The following PRKAR1B variants were observed in gnomAD, a reference collection of about 807,000 sequenced individuals.
The protein encoded by PRKAR1B is protein kinase cAMP-dependent type I regulatory subunit beta, also known as cAMP-dependent protein kinase type I-beta regulatory subunit.
In PRKAR1B, 22 loss-of-function variants were observed where a neutral mutation model predicts 46.5. The observed-to-expected ratio is 0.47, with a 90% confidence interval of 0.34 to 0.68. The LOEUF (loss-of-function observed/expected upper bound fraction) is 0.68. Among genes scored for constraint, PRKAR1B ranks in the 30% least tolerant of loss-of-function variants. The probability of loss-of-function intolerance (pLI) is 0.01; values close to 1 mark genes in which losing one functional copy is unlikely to be tolerated. For synonymous variants in PRKAR1B, 259 were observed against 217.7 expected (o/e 1.19, Z -1.67); for missense variants, 445 against 535.6 (o/e 0.83, Z 1.67).
At chr7:589,055 A>G (rs1473933911) in intron 7 of PRKAR1B, among the ~76,000 whole-genome samples, 6 of 150,204 alleles carry the variant, frequency 4.0e-5, no homozygotes, top group African/African-American at 1.5e-4. Context: ...GATGGTGGCA[A>G]TGATGATGGT....
chr7:557,266 G>A lies in PRKAR1B; in HGVS notation c.892-5796C>T, dbSNP rs564724389. On this transcript the variant is annotated intron_variant, in intron 9 of 10. Transcript: ENST00000537384. ...TCCCTTCCTCACGTCTCAGCCGCGT[G>A]ACACCCGTGACCAGGCCCCTGGTGG... is the stretch of plus-strand genomic sequence containing the variant. Among the ~76,000 whole-genome samples the A allele has an allele frequency of 1.2e-4, 18 of 152,340 alleles. 1 individual carries two copies. In the South Asian group the frequency reaches 3.5e-3, roughly 30 times the overall value.
chr7:703,680 GA>G (rs1354371160), intron 2 of PRKAR1B, among the ~76,000 whole-genome samples: 4 of 150,870 alleles, frequency 2.7e-5, no homozygotes, highest in Non-Finnish European at 5.9e-5. Context: ...AAATCAGCAG[GA>G]ATGCAAAAGA....
intron 4 of PRKAR1B, among the ~76,000 whole-genome samples, chr7:671,651 A>G (rs1005259405): frequency 2.0e-5 from 3 of 151,928 alleles, no homozygotes; most frequent in Non-Finnish European, 2.9e-5. Context: ...GGGTCTCACT[A>G]TGTTGCCCAG....
At chr7:606,874 T>A (rs1782101227) in intron 5 of PRKAR1B, among the ~76,000 whole-genome samples, 2 of 149,428 alleles carry the variant, frequency 1.3e-5, no homozygotes, top group South Asian at 4.2e-4. Context: ...TGTATCTATT[T>A]TATACACACA....
rs1276918647 is a variant in PRKAR1B at position 560,718 on chromosome 7, GACA to G, written c.892-9251_892-9249del. 6.6e-6 allele frequency among the ~76,000 whole-genome samples: 1 copy of G among 152,242 alleles called. No homozygotes were observed. The highest frequency in any genetic ancestry group is 1.5e-5 in the Non-Finnish European group (1 of 68,046). ...CTCAGCTGCCTCATCTGTTATATGGGACAACGCCAACCAATGCTACAGAGCGGC... is the reference window on the plus strand; with the variant it reads ...CTCAGCTGCCTCATCTGTTATATGGGACGCCAACCAATGCTACAGAGCGGC... On this transcript the variant is annotated intron_variant, in intron 9 of 10. Transcript: ENST00000537384. The surrounding 1 kb of genome is among the most constrained non-coding windows in gnomAD (Gnocchi z 4.2).
chr7:619,357 T>C (rs1782993852), intron 4 of PRKAR1B, among the ~76,000 whole-genome samples: 1 of 152,190 alleles, frequency 6.6e-6, no homozygotes, highest in Non-Finnish European at 1.5e-5. Flanking sequence ...GTCCTTCTGT[T>C]ATGGCAGCCC....
At chr7:583,369 CCACT>C (rs994999656) in intron 8 of PRKAR1B, among the ~76,000 whole-genome samples, 1 of 109,740 alleles carries the variant, frequency 9.1e-6, no homozygotes, top group Non-Finnish European at 2.0e-5. Flanking sequence ...GCGCACACAC[CCACT>C]CACACATGTG....
intron 3 of PRKAR1B, among the ~76,000 whole-genome samples, chr7:678,805 G>A (rs151134355): frequency 1.3e-5 from 2 of 152,250 alleles, no homozygotes; most frequent in African/African-American, 2.4e-5. Flanking sequence ...GTAAGTGTTG[G>A]ATGGGCGTGG....
chr7:623,686 C>T (rs1026862044), intron 4 of PRKAR1B, among the ~76,000 whole-genome samples: 3 of 152,218 alleles, frequency 2.0e-5, no homozygotes, highest in Non-Finnish European at 4.4e-5. Flanking sequence ...ATCTCATATT[C>T]GGAGGCAAGC....
chr7:564,758 C>T (rs1414604322), intron 9 of PRKAR1B, among the ~76,000 whole-genome samples: 3 of 152,198 alleles, frequency 2.0e-5, no homozygotes, highest in African/African-American at 7.2e-5. Flanking sequence ...GACCAACAGG[C>T]CCAGGGCCCA....
chr7:559,969 G>A (rs1778685108), intron 9 of PRKAR1B, among the ~76,000 whole-genome samples: 1 of 152,160 alleles, frequency 6.6e-6, no homozygotes, highest in Non-Finnish European at 1.5e-5. Context: ...TCAGGAGGCT[G>A]AGGCAGGAGG....
intron 7 of PRKAR1B, among the ~76,000 whole-genome samples, chr7:587,582 C>T (rs954847475): frequency 6.6e-6 from 1 of 152,252 alleles, no homozygotes; most frequent in South Asian, 2.1e-4. Context: ...TAAAAAGGGA[C>T]TCCTTGAGCA....
rs1253397293 is a variant in PRKAR1B at position 685,316 on chromosome 7, ACG to A, written c.178-4592_178-4591del. Among the ~76,000 whole-genome samples, 9 of 70,272 alleles carry A rather than the reference ACG, an allele frequency of 1.3e-4. 1 individual carries two copies. The highest frequency in any genetic ancestry group is 5.4e-4 in the African/African-American group (8 of 14,738). 46.1% of individuals were successfully genotyped at this position (70,272 alleles called of 152,430 possible). On this transcript the variant is annotated intron_variant, in intron 2 of 10. Transcript: ENST00000537384. ...TATACATATATATATACGTATATAT[ACG>A]TATATATACGTATATATACGTATAT...
intron 1 of PRKAR1B, chr7:726,976 A>G (rs1276395269): frequency 7.7e-7 from 1 of 1,301,646 alleles, no homozygotes; most frequent in African/African-American, 1.6e-5. Flanking sequence ...GCGCTGCCTG[A>G]GCGACCCCGC....
chr7:677,345 G>A (rs199988540), intron 3 of PRKAR1B, 25 bp from the exon 4 acceptor site: 615 of 1,606,486 alleles, frequency 3.8e-4, no homozygotes, highest in Admixed American at 1.6e-3. Context: ...ACACATCACC[G>A]TGTGAGCCAC....
chr7:684,090 G>A (rs1030170820), intron 2 of PRKAR1B, among the ~76,000 whole-genome samples: 1 of 150,994 alleles, frequency 6.6e-6, no homozygotes, highest in African/African-American at 2.4e-5. Context: ...GTGCTCCAAT[G>A]CCCACCTCCA....
intron 4 of PRKAR1B, among the ~76,000 whole-genome samples, chr7:646,827 T>A (rs1021909616): frequency 1.3e-5 from 2 of 152,206 alleles, no homozygotes; most frequent in Non-Finnish European, 2.9e-5. Context: ...AAATTGGCCA[T>A]CCGCCCGATC....
chr7:653,543 T>A (rs527365151), intron 4 of PRKAR1B, among the ~76,000 whole-genome samples: 1 of 152,296 alleles, frequency 6.6e-6, no homozygotes, highest in East Asian at 1.9e-4. Context: ...CCTCAGGAAC[T>A]GTCCTGAGCT....
chr7:681,029 G>T (rs750736970), intron 2 of PRKAR1B, among the ~76,000 whole-genome samples: 1 of 152,096 alleles, frequency 6.6e-6, no homozygotes, highest in Non-Finnish European at 1.5e-5. Flanking sequence ...AGGTGGAGGC[G>T]ACTGAATCAT....
Sources: allele counts gnomAD v4.1 joint callset (sites outside exome capture counted in the v4.1 genomes callset), GRCh38; gene constraint gnomAD v4.1.1; non-coding constraint Gnocchi (gnomAD v3.1); transcripts MANE v1.5; gene names NCBI Gene and HGNC (gene_info 2026-07-23, HGNC 2026-07-21).